The following CADM2 variants were observed in gnomAD, a reference collection of about 807,000 sequenced individuals.
CADM2 encodes the protein cell adhesion molecule 2.
Under a neutral mutation model 49.8 loss-of-function variants are expected in CADM2, and 12 were observed. The observed-to-expected ratio is 0.24, with a 90% CI of 0.15 to 0.39. The LOEUF (loss-of-function observed/expected upper bound fraction) is 0.39, where lower values mean the gene tolerates loss of function less well. Among genes scored for constraint, CADM2 ranks in the 10% least tolerant of loss-of-function variants. The probability of loss-of-function intolerance (pLI) is 1.00; values close to 1 mark genes in which losing one functional copy is unlikely to be tolerated. For synonymous variants in CADM2, 214 were observed against 175.4 expected (o/e 1.22, Z -1.74); for missense variants, 378 against 492.3 (o/e 0.77, Z 2.20).
intron 1 of CADM2, among the ~76,000 whole-genome samples, chr3:85,594,985 A>C (rs771513075): frequency 3.6e-4 from 55 of 152,196 alleles, no homozygotes; most frequent in Admixed American, 5.2e-4. Context: ...CCCAGCTTTC[A>C]TTTATTAGGA....
intron 1 of CADM2, among the ~76,000 whole-genome samples, chr3:85,010,851 CTTTTT>C (rs71105001): frequency 2.0e-4 from 7 of 35,686 alleles, no homozygotes; most frequent in Admixed American, 9.1e-4. Flanking sequence ...CTGTTTATGT[CTTTTT>C]TTTTTTTTTT....
intron 8 of CADM2, among the ~76,000 whole-genome samples, chr3:85,981,429 T>A (rs1727474101): frequency 2.0e-5 from 3 of 151,582 alleles, no homozygotes; most frequent in African/African-American, 7.3e-5. Flanking sequence ...GTTGCTGGGA[T>A]TTGGTGTACA....
At chr3:85,981,303 T>C (rs1727456304) in intron 8 of CADM2, among the ~76,000 whole-genome samples, 1 of 151,580 alleles carries the variant, frequency 6.6e-6, no homozygotes, top group African/African-American at 2.4e-5. Context: ...AACATTCTTT[T>C]ACATTGGTTC....
chr3:85,353,369 T>A (rs2031538979), intron 1 of CADM2, among the ~76,000 whole-genome samples: 1 of 152,152 alleles, frequency 6.6e-6, no homozygotes, highest in Non-Finnish European at 1.5e-5. Flanking sequence ...ATAATTTTCA[T>A]GTTTACCTTT....
intron 1 of CADM2, among the ~76,000 whole-genome samples, chr3:85,136,395 T>A (rs994601241): frequency 2.6e-5 from 4 of 151,906 alleles, no homozygotes; most frequent in South Asian, 2.1e-4. Flanking sequence ...ACCTGTTACA[T>A]GGTGTTGAAA....
rs34486931 is a variant in CADM2, at chr3:85,885,851, CA to C, written c.392-319del. 1.7e-3 allele frequency among the ~76,000 whole-genome samples: 154 copies of C among 91,504 alleles called. 1 individual carries two copies. In the South Asian group the frequency reaches 0.025, roughly 15 times the overall value. 60.0% of individuals were successfully genotyped at this position (91,504 alleles called of 152,430 possible). A position where few individuals can be genotyped will look rare whatever the true frequency, so the allele number is the denominator to read the frequency against. On this transcript the variant is annotated intron_variant, in intron 4 of 9. Transcript: ENST00000383699. ...TGGGCGACAGAGCAAGATCCTGTCTCAAAAAAAAAAAAAAAAAAAATTACAA... is the reference window on the plus strand; with the variant it reads ...TGGGCGACAGAGCAAGATCCTGTCTCAAAAAAAAAAAAAAAAAAATTACAA...
intron 1 of CADM2, among the ~76,000 whole-genome samples, chr3:85,334,812 G>A (rs2045032990): frequency 1.3e-5 from 2 of 151,300 alleles, no homozygotes; most frequent in South Asian, 4.2e-4. Flanking sequence ...TAAAAATAAA[G>A]CATGAAGAAG....
intron 1 of CADM2, among the ~76,000 whole-genome samples, chr3:85,027,004 T>C (rs2034756243): frequency 6.6e-6 from 1 of 151,994 alleles, no homozygotes; most frequent in Non-Finnish European, 1.5e-5. Flanking sequence ...CATGTCTTTC[T>C]CTTAGTGCAT....
At chr3:85,568,397 C>CTCTTTCTTTCTT (rs71108298) in intron 1 of CADM2, among the ~76,000 whole-genome samples, 942 of 52,054 alleles carry the variant, frequency 0.018, 95 homozygotes, top group South Asian at 0.023. Context: ...TCCTTCCTCC[C>CTCTTTCTTTCTT]TCTTTCTTTC....
chr3:85,211,106 T>G (rs1461702948), intron 1 of CADM2, among the ~76,000 whole-genome samples: 1 of 152,196 alleles, frequency 6.6e-6, no homozygotes, highest in Non-Finnish European at 1.5e-5. Flanking sequence ...AAAATGAGCC[T>G]TTTAATTTCT....
rs145708115 is a variant in CADM2 at position 85,225,031 on chromosome 3, G to C, written c.61+265363G>C. ...TTATAGTATAGTTTGAGGTCAGGTAGTGTGATGCCTCCAGCTTTGTTCTTT... is the reference window on the plus strand; with the variant it reads ...TTATAGTATAGTTTGAGGTCAGGTACTGTGATGCCTCCAGCTTTGTTCTTT... On this transcript the variant is annotated intron_variant, in intron 1 of 9. Coordinates refer to ENST00000383699, the MANE Select transcript of CADM2 (RefSeq NM_001167675.2). Among the ~76,000 whole-genome samples the C allele has an allele frequency of 4.7e-3, 711 of 152,218 alleles. 7 individuals are homozygous for C. Among genetic ancestry groups the C allele is most frequent in the African/African-American group, 0.017 (689 of 41,544 alleles).
chr3:86,055,093 A>AT (rs1453173529), intron 8 of CADM2, among the ~76,000 whole-genome samples: 16 of 152,114 alleles, frequency 1.1e-4, no homozygotes, highest in Non-Finnish European at 1.6e-4. Context: ...TTTAGCATAT[A>AT]TTTTTTTCTG....
chr3:85,937,802 C>T (rs1721362237), intron 7 of CADM2, among the ~76,000 whole-genome samples: 2 of 151,886 alleles, frequency 1.3e-5, no homozygotes, highest in South Asian at 4.1e-4. Flanking sequence ...GGCATGAGTT[C>T]TTAACCATAT....
At chr3:85,297,542 G>C (rs1256641401) in intron 1 of CADM2, among the ~76,000 whole-genome samples, 2 of 152,040 alleles carry the variant, frequency 1.3e-5, no homozygotes, top group Admixed American at 1.3e-4. Context: ...CAGGGTACTG[G>C]GGTCTCAGCC....
chr3:85,135,431 A>T (rs2039386478), intron 1 of CADM2, among the ~76,000 whole-genome samples: 1 of 152,160 alleles, frequency 6.6e-6, no homozygotes, highest in South Asian at 2.1e-4. Context: ...TAATTTTGTA[A>T]TGTAAACATA....
At chr3:84,970,209 GT>G (rs1315814308) in intron 1 of CADM2, among the ~76,000 whole-genome samples, 1 of 150,362 alleles carries the variant, frequency 6.7e-6, no homozygotes, top group East Asian at 2.0e-4. Context: ...GTCTATTTGT[GT>G]TTTTAATGTT....
At chr3:85,113,398 G>T (rs887987330) in intron 1 of CADM2, among the ~76,000 whole-genome samples, 10 of 152,050 alleles carry the variant, frequency 6.6e-5, no homozygotes, top group African/African-American at 2.4e-4. Flanking sequence ...TACATAAAAT[G>T]CCTGAGACCT....
rs543920078 is a variant in CADM2 at position 85,060,157 on chromosome 3, G to A, written c.61+100489G>A. The stretch of plus-strand genomic sequence containing the variant: ...ATTTTATTTATTTTATTTTATTAGC[G>A]TCCCTCTCTGTCGCCCAGGCTGGAG... On this transcript the variant is annotated intron_variant, in intron 1 of 9. Coordinates refer to ENST00000383699, the MANE Select transcript of CADM2 (RefSeq NM_001167675.2). Among the ~76,000 whole-genome samples the A allele has an allele frequency of 4.9e-4, 74 of 151,786 alleles. No individual in the cohort carries two copies. The South Asian group carries it at 0.013, about 27-fold the overall frequency.
intron 8 of CADM2, among the ~76,000 whole-genome samples, chr3:86,002,332 T>C (rs1054210319): frequency 2.0e-5 from 3 of 152,212 alleles, no homozygotes; most frequent in Non-Finnish European, 4.4e-5. Context: ...AAGGTTATTA[T>C]TCTTTTGAGT....
Sources: allele counts gnomAD v4.1 joint callset (sites outside exome capture counted in the v4.1 genomes callset), GRCh38; gene constraint gnomAD v4.1.1; transcripts MANE v1.5; gene names NCBI Gene and HGNC (gene_info 2026-07-23, HGNC 2026-07-21).